Variants in EML6 observed in about 807,000 individuals in gnomAD.
The protein encoded by EML6 is EMAP like 6.
EML6 carries 154 observed loss-of-function variants against 240.1 expected under a neutral mutation model. That is an observed-to-expected ratio of 0.64 (90% CI 0.56 to 0.73). EML6 has a LOEUF of 0.73. EML6 is among the 30% of genes least tolerant of loss of function. EML6 has a pLI of 0.00. For missense variants in EML6, 2,964 were observed against 2,474.6 expected (o/e 1.20, Z -4.20); for synonymous variants, 1,148 against 899.0 (o/e 1.28, Z -4.95).
chr2:54,814,540 GTC>G (rs1174678088), intron 3 of EML6, among the ~76,000 whole-genome samples: 2 of 152,102 alleles, frequency 1.3e-5, no homozygotes, highest in Non-Finnish European at 2.9e-5. Context: ...CCCTTCCTCT[GTC>G]TCTCTCACCC....
At chr2:54,900,255 C>G (rs1163557106) in intron 22 of EML6, among the ~76,000 whole-genome samples, 1 of 152,142 alleles carries the variant, frequency 6.6e-6, no homozygotes, top group Non-Finnish European at 1.5e-5. Context: ...ACAAATTCAG[C>G]AAACATTTAT....
Position 54,813,299 on chromosome 2 carries a change from A to C in EML6, c.265A>C (p.Ile89Leu). ...AGTCGGGAAGGAGCCATATATATGC[A>C]TATGGGATTCCTATAATGTCCAGAC... is the stretch of plus-strand genomic sequence containing the variant. ...GQVGKEPYICIWDSYNVQTVS... is the reference protein window; with the variant it reads ...GQVGKEPYICLWDSYNVQTVS... The change falls in exon 3 of 42, where the codon ATA (isoleucine) becomes CTA (leucine). Residue 89 changes from isoleucine (I) to leucine (L), a missense_variant. Ile to Leu is a conservative substitution (Grantham distance 5, BLOSUM62 2). Coordinates refer to ENST00000356458, the MANE Select transcript of EML6 (RefSeq NM_001039753.4). 1 of 1,550,734 alleles carries C rather than the reference A, an allele frequency of 6.4e-7. No homozygotes were observed. Among genetic ancestry groups the C allele is most frequent in the Non-Finnish European group, 8.7e-7 (1 of 1,146,058 alleles).
intron 2 of EML6, among the ~76,000 whole-genome samples, chr2:54,776,778 C>T (rs1409835005): frequency 6.6e-6 from 1 of 151,502 alleles, no homozygotes; most frequent in East Asian, 1.9e-4. Context: ...GGATATTTTA[C>T]AACATATATT....
intron 2 of EML6, among the ~76,000 whole-genome samples, chr2:54,752,813 G>A (rs1345162996): frequency 6.6e-6 from 1 of 152,042 alleles, no homozygotes; most frequent in Admixed American, 6.6e-5. Flanking sequence ...TTTTGAGACA[G>A]AGTCTTACTT....
At chr2:54,778,901 AAAG>A (rs1260806427) in intron 2 of EML6, among the ~76,000 whole-genome samples, 2 of 149,804 alleles carry the variant, frequency 1.3e-5, no homozygotes, top group Non-Finnish European at 1.5e-5. Flanking sequence ...CAAAAAAAAA[AAAG>A]AAAGAAAGAA....
intron 7 of EML6, among the ~76,000 whole-genome samples, chr2:54,833,067 T>C (rs1314512540): frequency 6.6e-6 from 1 of 152,258 alleles, no homozygotes; most frequent in South Asian, 2.1e-4. Flanking sequence ...TCTAAACAAA[T>C]TTAGCAAGAG....
At chr2:54,759,139 A>G (rs1176439081) in intron 2 of EML6, among the ~76,000 whole-genome samples, 1 of 150,820 alleles carries the variant, frequency 6.6e-6, no homozygotes, top group East Asian at 1.9e-4. Flanking sequence ...GAAATGTGTG[A>G]TTATGAAACA....
intron 7 of EML6, among the ~76,000 whole-genome samples, chr2:54,834,153 G>A (rs1664865308): frequency 6.6e-6 from 1 of 152,102 alleles, no homozygotes; most frequent in Non-Finnish European, 1.5e-5. Flanking sequence ...CGGCGGTGGC[G>A]GGGCATGGGG....
At chr2:54,838,374 A>G (rs1558596441) in intron 7 of EML6, among the ~76,000 whole-genome samples, 1 of 152,342 alleles carries the variant, frequency 6.6e-6, no homozygotes. Flanking sequence ...TCACAATGCT[A>G]TGAAGTGTGA....
intron 38 of EML6, among the ~76,000 whole-genome samples, chr2:54,966,140 C>G (rs1676738575): frequency 5.3e-5 from 8 of 152,176 alleles, no homozygotes; most frequent in Admixed American, 4.6e-4. Flanking sequence ...CAGACAATCA[C>G]AAAATATAAA....
intron 17 of EML6, 27 bp downstream of exon 17, chr2:54,879,667 A>G: frequency 1.5e-6 from 2 of 1,303,466 alleles, no homozygotes; most frequent in African/African-American, 1.5e-5. Flanking sequence ...ATCTTACGGT[A>G]TCCTGCTGAT....
chr2:54,953,712 T>A (rs976441590), intron 31 of EML6, among the ~76,000 whole-genome samples: 4 of 151,946 alleles, frequency 2.6e-5, no homozygotes, highest in Non-Finnish European at 5.9e-5. Context: ...CATGGTGAAA[T>A]GCTGTCTCTG....
At chr2:54,938,579 A>C (rs1675270491) in intron 28 of EML6, among the ~76,000 whole-genome samples, 1 of 152,050 alleles carries the variant, frequency 6.6e-6, no homozygotes, top group African/African-American at 2.4e-5. Context: ...GTACATGCCT[A>C]CCAGCTCCCA....
In EML6 at chr2:54,846,923, A is replaced by ATT. The variant is rs34352060; in HGVS notation, c.1050-551_1050-550dup. Among the ~76,000 whole-genome samples, 364 of 129,934 alleles carry ATT rather than the reference A, an allele frequency of 2.8e-3. 23 individuals are homozygous for ATT. The highest frequency in any genetic ancestry group is 8.9e-3 in the Middle Eastern group (2 of 224). The allele number at this position is 129,934 out of a possible 152,430, so 85.2% of individuals were successfully genotyped here. Reference sequence around the variant, plus strand: ...AAAGTAATATTTTGTATGAAGTAGTATTTTTTTTTTTTTGGAGACAGGGCC... The same window carrying ATT: ...AAAGTAATATTTTGTATGAAGTAGTATTTTTTTTTTTTTTTGGAGACAGGGCC... On this transcript the variant is annotated intron_variant, in intron 8 of 41. Transcript: ENST00000356458.
At chr2:54,787,500 G>A (rs1669154105) in intron 2 of EML6, among the ~76,000 whole-genome samples, 1 of 152,302 alleles carries the variant, frequency 6.6e-6, no homozygotes, top group South Asian at 2.1e-4. Flanking sequence ...CAGTATGTTT[G>A]TCTGTAAAGA....
At chr2:54,853,380 T>G (rs1670195986) in intron 10 of EML6, among the ~76,000 whole-genome samples, 1 of 152,166 alleles carries the variant, frequency 6.6e-6, no homozygotes, top group African/African-American at 2.4e-5. Context: ...TCTGTGACAT[T>G]CATAGAATGT....
chr2:54,859,667 T>C lies in EML6; in HGVS notation c.1791T>C (p.Gly597=), dbSNP rs1670573007. 2 of 1,548,604 alleles carry C rather than the reference T, an allele frequency of 1.3e-6. No homozygotes were observed. Among genetic ancestry groups the C allele is most frequent in the South Asian group, 2.4e-5 (2 of 83,010 alleles). The part of the protein sequence containing the change: ...SVFQWRFIPE[G]VSNGMLETAP... Reference sequence around the variant, plus strand: ...TCCAGTGGAGGTTTATTCCAGAAGGTGTCAGCAACGGCATGCTGGAAACTG... The same window carrying C: ...TCCAGTGGAGGTTTATTCCAGAAGGCGTCAGCAACGGCATGCTGGAAACTG... The change falls in exon 12 of 42, where the codon GGT becomes GGC. Residue 597 remains glycine, a synonymous_variant. Transcript: ENST00000356458.
At position 54,928,432 on chromosome 2, in the gene EML6, C is replaced by G; in HGVS notation, c.3795C>G (p.Ile1265Met). 1.9e-6 allele frequency: 3 copies of G among 1,551,342 alleles called. No homozygotes were observed. The highest frequency in any genetic ancestry group is 2.6e-6 in the Non-Finnish European group (3 of 1,146,808). ...GCGGCGCCGACACAGCCCTGATGAT[C>G]TGGACCAGGGAGTTTGTGGGGACCC... ...TVGGADTALM[I>M]WTREFVGTQE... Residue 1265 changes from isoleucine (I) to methionine (M), a missense_variant, in exon 27 of 42, where the codon ATC becomes ATG. Transcript: ENST00000356458.
chr2:54,906,386 G>T (rs931492595), intron 24 of EML6, among the ~76,000 whole-genome samples: 1 of 152,220 alleles, frequency 6.6e-6, no homozygotes. Flanking sequence ...GGGGGATGCT[G>T]CTGTGGAGGG....
Sources: gnomAD v4.1 joint callset for allele counts (sites outside exome capture counted in the v4.1 genomes callset) on GRCh38, gnomAD v4.1.1 for gene constraint, MANE v1.5 for transcripts, NCBI Gene and HGNC (gene_info 2026-07-23, HGNC 2026-07-21) for gene names.